Variants in NUP214 observed in about 807,000 individuals in gnomAD.
NUP214 encodes nuclear pore complex protein Nup214.
In NUP214, 79 loss-of-function variants were observed where a neutral mutation model predicts 196.2. That is an observed-to-expected ratio of 0.40 (90% CI 0.34 to 0.49). NUP214 has a LOEUF of 0.49. Among genes scored for constraint, NUP214 ranks in the 20% least tolerant of loss-of-function variants. The probability of loss-of-function intolerance (pLI) is 0.58; values close to 1 mark genes in which losing one functional copy is unlikely to be tolerated. For synonymous variants in NUP214, 1,020 were observed against 990.5 expected, an observed-to-expected ratio of 1.03 and a Z score of -0.56; for missense variants, 2,468 against 2,539.0, an observed-to-expected ratio of 0.97 and a Z score of 0.60.
chr9:131,156,058 AT>A (rs1275767880), intron 17 of NUP214, among the ~76,000 whole-genome samples: 1 of 151,610 alleles, frequency 6.6e-6, no homozygotes, highest in African/African-American at 2.4e-5. Context: ...GAATTTGTAA[AT>A]TGTTTTTGAC....
rs1267435251 is a variant in NUP214 at position 131,197,905 on chromosome 9, T to G, written c.4411T>G (p.Leu1471Val). The G allele has an allele frequency of 2.5e-6, 4 of 1,613,988 alleles. No homozygotes were observed. Among genetic ancestry groups the G allele is most frequent in the Non-Finnish European group, 3.4e-6 (4 of 1,180,004 alleles). Residue 1471 changes from leucine to valine, a missense_variant, in exon 29 of 36, where the codon TTG becomes GTG. Leu to Val is a conservative substitution (Grantham distance 32). Coordinates refer to ENST00000359428, the MANE Select transcript of NUP214 (RefSeq NM_005085.4). ...TCCCCTTCCAACATCATTCCCCACA[T>G]TGTCATTTGGTAGCCTCCTGAGTTC... ...ATPLPTSFPT[L>V]SFGSLLSSAT...
intron 32 of NUP214, 114 bp from the exon 33 acceptor site, chr9:131,228,046 C>G: frequency 9.4e-7 from 1 of 1,063,538 alleles, no homozygotes; most frequent in Non-Finnish European, 1.3e-6. Context: ...CTAACATCCT[C>G]TTTTCCCTTT....
Position 131,228,318 on chromosome 9 carries a change from G to A in NUP214, c.6061G>A (p.Ala2021Thr), listed in dbSNP as rs778925867. 25 of 1,586,332 alleles carry A rather than the reference G, an allele frequency of 1.6e-5. 1 individual carries two copies. Among genetic ancestry groups the A allele is most frequent in the South Asian group, 1.3e-4 (11 of 87,722 alleles). ...CGGAGAGGGCACTGCAGCTGCCAGC[G>A]CAGGAGGATTCGGGTAAGCCCCCTG... ...VFGEGTAAAS[A>T]GGFGFGSSSN... The change falls in exon 33 of 36, where the codon GCA (alanine) becomes ACA (threonine). Residue 2021 changes from alanine to threonine, a missense_variant. Coordinates refer to ENST00000359428, the MANE Select transcript of NUP214 (RefSeq NM_005085.4).
intron 35 of NUP214, chr9:131,233,155 A>G (rs891470185): frequency 6.2e-6 from 1 of 162,298 alleles, no homozygotes; most frequent in African/African-American, 2.4e-5. Context: ...TACTAAAAAT[A>G]TATATATATA....
intron 1 of NUP214, 54 bp from the exon 2 acceptor site, chr9:131,127,470 A>G: frequency 1.4e-6 from 2 of 1,429,142 alleles, no homozygotes; most frequent in Admixed American, 1.9e-5. Flanking sequence ...TGAATATAAC[A>G]TGTTTTAATT....
intron 17 of NUP214, among the ~76,000 whole-genome samples, chr9:131,157,780 G>A (rs1832501734): frequency 6.6e-6 from 1 of 151,908 alleles, no homozygotes; most frequent in South Asian, 2.1e-4. Flanking sequence ...GGAGTAGCTG[G>A]GATTACAGGC....
At chr9:131,215,456 A>G in intron 31 of NUP214, 88 bp downstream of exon 31, 1 of 1,268,920 alleles carries the variant, frequency 7.9e-7, no homozygotes, top group South Asian at 2.2e-5. Context: ...TGACAAATAT[A>G]AAAAGAAAAA....
chr9:131,132,959 A>G, intron 6 of NUP214, 147 bp from the exon 7 acceptor site: 1 of 682,462 alleles, frequency 1.5e-6, no homozygotes, highest in African/African-American at 1.8e-5. Flanking sequence ...TTCTTGGGTC[A>G]TTGTACCTGT....
intron 2 of NUP214, 65 bp from the exon 3 acceptor site, chr9:131,128,267 A>G: frequency 6.6e-7 from 1 of 1,524,334 alleles, no homozygotes; most frequent in South Asian, 1.2e-5. Context: ...ATCGAACTGG[A>G]TAGAGGTTGT....
intron 13 of NUP214, among the ~76,000 whole-genome samples, chr9:131,147,163 T>G (rs890960338): frequency 2.0e-5 from 3 of 151,992 alleles, no homozygotes; most frequent in African/African-American, 7.3e-5. Flanking sequence ...ATTTTTAAAT[T>G]TTTTTGTAGA....
intron 7 of NUP214, among the ~76,000 whole-genome samples, chr9:131,134,526 A>G (rs879287541): frequency 7.2e-5 from 11 of 152,214 alleles, no homozygotes; most frequent in Non-Finnish European, 1.2e-4. Flanking sequence ...AGTATTTATT[A>G]ACTGCTACTT....
rs184890848 is a variant in NUP214, at chr9:131,126,793, G to A, written c.46-731G>A. The stretch of plus-strand genomic sequence containing the variant: ...TCGAACTCCTGACCTAACGTGATCC[G>A]CCCTCCTCTGGCTCCCAAAGTGCTG... On this transcript the variant is annotated intron_variant, in intron 1 of 35. Coordinates refer to ENST00000359428, the MANE Select transcript of NUP214 (RefSeq NM_005085.4). Among the ~76,000 whole-genome samples the A allele has an allele frequency of 3.5e-3, 528 of 152,086 alleles. 6 individuals are homozygous for A. The highest frequency in any genetic ancestry group is 1.0e-2 in the South Asian group (48 of 4,810).
chr9:131,133,118 T>C lies in NUP214; in HGVS notation c.740T>C (p.Leu247Pro). Residue 247 changes from leucine (L) to proline (P), a missense_variant, in exon 7 of 36, where the codon CTG becomes CCG. Coordinates refer to ENST00000359428, the MANE Select transcript of NUP214 (RefSeq NM_005085.4). ...SDHPVRVLDV[L>P]WIGTYVFAIV... ...ATGTGTCTTTCAGTTCTGGATGTGC[T>C]GTGGATTGGTACCTACGTCTTCGCC... The C allele has an allele frequency of 6.2e-7, 1 of 1,611,850 alleles. No individual in the cohort carries two copies. Among genetic ancestry groups the C allele is most frequent in the Non-Finnish European group, 8.5e-7 (1 of 1,178,940 alleles).
intron 30 of NUP214, among the ~76,000 whole-genome samples, chr9:131,204,911 T>G (rs1037988117): frequency 6.6e-6 from 1 of 152,186 alleles, no homozygotes; most frequent in African/African-American, 2.4e-5. Flanking sequence ...ACAGATTATC[T>G]TCTAGGGTGC....
chr9:131,179,621 T>G (rs572227624), intron 24 of NUP214, among the ~76,000 whole-genome samples: 2 of 152,298 alleles, frequency 1.3e-5, no homozygotes, highest in South Asian at 2.1e-4. Context: ...CCTCTGCCAT[T>G]GCACAGAGCA....
chr9:131,174,929 A>T (rs1342354085), intron 22 of NUP214, among the ~76,000 whole-genome samples: 1 of 152,172 alleles, frequency 6.6e-6, no homozygotes, highest in East Asian at 1.9e-4. Context: ...CTTTTTCAGA[A>T]GTAAAAGGGG....
At position 131,146,340 on chromosome 9, in the gene NUP214, C is replaced by T. The variant is rs777063074; in HGVS notation, c.1945+36C>T. On this transcript the variant is annotated intron_variant, in intron 13 of 35. Coordinates refer to ENST00000359428, the MANE Select transcript of NUP214 (RefSeq NM_005085.4). The surrounding 1 kb of genome is among the most constrained non-coding windows in gnomAD (Gnocchi z 4.6). ...AAGCAGACAACTTTAGACCTCAGCC[C>T]TGCCTTCTCAGATTAACGGTTTTAA... is the stretch of plus-strand genomic sequence containing the variant. 1.9e-6 allele frequency: 3 copies of T among 1,595,402 alleles called. No individual in the cohort carries two copies. The highest frequency in any genetic ancestry group is 2.6e-6 in the Non-Finnish European group (3 of 1,164,754).
At position 131,125,879 on chromosome 9, in the gene NUP214, A is replaced by T. The variant is rs954619288; in HGVS notation, c.45+130A>T. ...ACAGTTTACCGCGTTCACAGCTCTCACCAGCGCGTCTGCCGCGCCGCTGGC... is the reference window on the plus strand; with the variant it reads ...ACAGTTTACCGCGTTCACAGCTCTCTCCAGCGCGTCTGCCGCGCCGCTGGC... On this transcript the variant is annotated intron_variant, in intron 1 of 35. Transcript: ENST00000359428. This position sits in a 1 kb window ranked among gnomAD's most constrained non-coding sequence, Gnocchi z 4.1. 2 of 1,047,790 alleles carry T rather than the reference A, an allele frequency of 1.9e-6. No homozygotes were observed. Among genetic ancestry groups the T allele is most frequent in the Non-Finnish European group, 2.8e-6 (2 of 727,220 alleles). 64.9% of individuals were successfully genotyped at this position (1,047,790 alleles called of 1,614,324 possible).
At chr9:131,228,977 A>G (rs376283571) in intron 33 of NUP214, 1 of 152,158 alleles carries the variant, frequency 6.6e-6, no homozygotes, top group East Asian at 1.9e-4. Flanking sequence ...CCTTCACCAC[A>G]CCACAACATC....
Sources: allele counts gnomAD v4.1 joint callset (sites outside exome capture counted in the v4.1 genomes callset), GRCh38; gene constraint gnomAD v4.1.1; non-coding constraint Gnocchi (gnomAD v3.1); transcripts MANE v1.5; gene names NCBI Gene and HGNC (gene_info 2026-07-23, HGNC 2026-07-21).